SPAG17: variants seen among roughly 807,000 people sequenced by gnomAD.
SPAG17 encodes sperm associated antigen 17, also known as sperm-associated antigen 17.
Under a neutral mutation model 273.6 loss-of-function variants are expected in SPAG17, and 169 were observed. The observed-to-expected ratio is 0.62, with a 90% CI of 0.55 to 0.70. The LOEUF (loss-of-function observed/expected upper bound fraction) is 0.70, where lower values mean the gene tolerates loss of function less well. SPAG17 is among the 30% of genes least tolerant of loss of function. The probability of loss-of-function intolerance (pLI) is 0.00; values close to 1 mark genes in which losing one functional copy is unlikely to be tolerated. For missense variants in SPAG17, 2,557 were observed against 2,627.8 expected, an observed-to-expected ratio of 0.97 and a Z score of 0.59; for synonymous variants, 825 against 873.2, an observed-to-expected ratio of 0.94 and a Z score of 0.97.
At chr1:118,089,965 G>A (rs934138251) in intron 10 of SPAG17, among the ~76,000 whole-genome samples, 2 of 152,128 alleles carry the variant, frequency 1.3e-5, no homozygotes, top group African/African-American at 4.8e-5. Flanking sequence ...TGTGAAGAAG[G>A]TGCCTGCTTT....
intron 18 of SPAG17, among the ~76,000 whole-genome samples, chr1:118,066,128 C>A (rs1291909394): frequency 6.6e-6 from 1 of 151,866 alleles, no homozygotes; most frequent in Admixed American, 6.6e-5. Flanking sequence ...TTCTGTAAAT[C>A]TTTCTGTATT....
intron 3 of SPAG17, among the ~76,000 whole-genome samples, chr1:118,136,846 G>A (rs1658395991): frequency 6.8e-6 from 1 of 146,646 alleles, no homozygotes; most frequent in African/African-American, 2.5e-5. Flanking sequence ...TAATGATGGA[G>A]GAATCATGAA....
In SPAG17 at chr1:118,009,889, T is replaced by C. The variant is rs369821371; in HGVS notation, c.4433-1691A>G. Among the ~76,000 whole-genome samples the C allele has an allele frequency of 2.6e-4, 39 of 151,842 alleles. No individual in the cohort carries two copies. The South Asian group carries it at 8.1e-3, about 32-fold the overall frequency. On this transcript the variant is annotated intron_variant, in intron 30 of 48. Coordinates refer to ENST00000336338, the MANE Select transcript of SPAG17 (RefSeq NM_206996.4). The stretch of plus-strand genomic sequence containing the variant: ...AAGAAAATAAAGAAAATAAAGTAAA[T>C]ATAGGCAATAGAATACTATTCAGTG...
At chr1:118,007,371 T>C (rs577279105) in intron 31 of SPAG17, among the ~76,000 whole-genome samples, 111 of 152,324 alleles carry the variant, frequency 7.3e-4, no homozygotes, top group African/African-American at 2.6e-3. Context: ...GCTCTCAGTA[T>C]CTAGTGACAT....
intron 1 of SPAG17, among the ~76,000 whole-genome samples, chr1:118,178,914 C>T (rs1660815247): frequency 6.6e-6 from 1 of 151,762 alleles, no homozygotes; most frequent in South Asian, 2.1e-4. Flanking sequence ...AAGATCTATA[C>T]AAGTAAAACT....
chr1:118,156,124 C>T (rs980377429), intron 1 of SPAG17, among the ~76,000 whole-genome samples: 2 of 152,300 alleles, frequency 1.3e-5, no homozygotes, highest in South Asian at 4.1e-4. Flanking sequence ...ATATCTCACA[C>T]AATTTATTAT....
At chr1:118,036,286 T>A (rs1649063618) in intron 24 of SPAG17, among the ~76,000 whole-genome samples, 1 of 152,084 alleles carries the variant, frequency 6.6e-6, no homozygotes, top group African/African-American at 2.4e-5. Context: ...ATAGCTCCTT[T>A]AAGGCTAACG....
rs1015217264 is a variant in SPAG17 at position 118,011,268 on chromosome 1, A to G, written c.4432+960T>C. On this transcript the variant is annotated intron_variant, in intron 30 of 48. Transcript: ENST00000336338. ...ATCATTTTACTGTAGAGACACATAC[A>G]CACATATGTTCACTGTAGCACTGTT... 2.6e-5 allele frequency among the ~76,000 whole-genome samples: 4 copies of G among 152,204 alleles called. No homozygotes were observed. The South Asian group carries it at 8.3e-4, about 31-fold the overall frequency.
chr1:118,063,333 T>G (rs1038174239), intron 18 of SPAG17, among the ~76,000 whole-genome samples: 51 of 152,230 alleles, frequency 3.4e-4, no homozygotes, highest in African/African-American at 1.2e-3. Context: ...GACTTCAAAC[T>G]ATACTACAAG....
rs376903469 is a variant in SPAG17, at chr1:118,040,693, T to C, written c.3166+37A>G. ...CCTGGTTATCTGAAATGCATTATTA[T>C]GTTTCCAATCATTAACCAGTTGCTT... On this transcript the variant is annotated intron_variant, in intron 22 of 48. Coordinates refer to ENST00000336338, the MANE Select transcript of SPAG17 (RefSeq NM_206996.4). The C allele has an allele frequency of 5.2e-6, 7 of 1,354,606 alleles. No homozygotes were observed. The African/African-American group carries it at 7.1e-5, about 14-fold the overall frequency. 83.9% of individuals were successfully genotyped at this position (1,354,606 alleles called of 1,614,324 possible).
At chr1:118,147,710 T>C (rs2102339266) in intron 3 of SPAG17, among the ~76,000 whole-genome samples, 1 of 152,298 alleles carries the variant, frequency 6.6e-6, no homozygotes, top group South Asian at 2.1e-4. Flanking sequence ...TTACACAATC[T>C]CATAATGAGG....
At chr1:118,013,198 C>A (rs1659644786) in intron 29 of SPAG17, among the ~76,000 whole-genome samples, 1 of 152,190 alleles carries the variant, frequency 6.6e-6, no homozygotes, top group South Asian at 2.1e-4. Context: ...TGGGCATTTT[C>A]TAAACTTACA....
chr1:117,957,682 GA>G (rs750340111), intron 48 of SPAG17, among the ~76,000 whole-genome samples: 15 of 152,164 alleles, frequency 9.9e-5, no homozygotes, highest in African/African-American at 3.6e-4. Flanking sequence ...AAAACATTAT[GA>G]TTTTTTTGTG....
At chr1:117,995,273 C>T (rs183505812) in intron 34 of SPAG17, among the ~76,000 whole-genome samples, 49 of 152,210 alleles carry the variant, frequency 3.2e-4, no homozygotes, top group African/African-American at 1.1e-3. Flanking sequence ...GAACTATGTT[C>T]TTTCCCCTCG....
chr1:118,126,203 CTTTTT>C (rs776674134), intron 3 of SPAG17, among the ~76,000 whole-genome samples: 1 of 110,578 alleles, frequency 9.0e-6, no homozygotes, highest in African/African-American at 3.3e-5. Flanking sequence ...ATCCTTTATC[CTTTTT>C]TTTTTTTTTT....
intron 3 of SPAG17, among the ~76,000 whole-genome samples, chr1:118,123,954 T>G (rs1657561017): frequency 6.6e-6 from 1 of 152,214 alleles, no homozygotes; most frequent in South Asian, 2.1e-4. Flanking sequence ...GTGTACATTT[T>G]GAACAACCAA....
intron 16 of SPAG17, 56 bp from the exon 17 acceptor site, chr1:118,074,023 C>T: frequency 7.9e-7 from 1 of 1,264,326 alleles, no homozygotes; most frequent in Non-Finnish European, 1.1e-6. Context: ...CCAAATGGAG[C>T]CCTCTTGGGC....
intron 43 of SPAG17, among the ~76,000 whole-genome samples, chr1:117,975,274 T>C (rs6694718): frequency 1.0e-3 from 152 of 152,202 alleles, no homozygotes; most frequent in African/African-American, 2.8e-3. Flanking sequence ...AAAGCCAGAG[T>C]ACCTGAAGCC....
intron 3 of SPAG17, among the ~76,000 whole-genome samples, chr1:118,125,212 A>G (rs1039285113): frequency 4.7e-5 from 7 of 149,230 alleles, no homozygotes; most frequent in African/African-American, 1.8e-4. Flanking sequence ...AAAAATTTGT[A>G]TTATTTTTTA....
Sources: gnomAD v4.1 joint callset for allele counts (sites outside exome capture counted in the v4.1 genomes callset) on GRCh38, gnomAD v4.1.1 for gene constraint, MANE v1.5 for transcripts, NCBI Gene and HGNC (gene_info 2026-07-23, HGNC 2026-07-21) for gene names.